Variants in THBS1 observed in about 807,000 individuals in gnomAD.
THBS1 encodes the protein thrombospondin 1.
THBS1 carries 29 observed loss-of-function variants against 126.1 expected under a neutral mutation model. The ratio of observed to expected loss-of-function variants is 0.23; its 90% CI spans 0.17 to 0.31. The LOEUF (loss-of-function observed/expected upper bound fraction) is 0.31. Ranked by LOEUF, THBS1 falls within the 10% of genes least tolerant of loss-of-function variation. The pLI is 1.00. For synonymous variants in THBS1, 496 were observed against 577.8 expected, an observed-to-expected ratio of 0.86 and a Z score of 2.03; for missense variants, 1,198 against 1,545.2, an observed-to-expected ratio of 0.78 and a Z score of 3.77.
chr15:39,594,011 C>A lies in THBS1; in HGVS notation c.3268-88C>A. 2.2e-6 allele frequency: 3 copies of A among 1,380,928 alleles called. No homozygotes were observed. The highest frequency in any genetic ancestry group is 3.0e-6 in the Non-Finnish European group (3 of 1,007,052). The allele number at this position is 1,380,928 out of a possible 1,614,324, so 85.5% of individuals were successfully genotyped here. On this transcript the variant is annotated intron_variant, in intron 19 of 21. Coordinates refer to ENST00000260356, the MANE Select transcript of THBS1 (RefSeq NM_003246.4). The surrounding 1 kb of genome is among the most constrained non-coding windows in gnomAD (Gnocchi z 4.4). ...CCCTCTAACTTAGATCAGCTCAGTA[C>A]CTTTCAAGCATTGTTTCTGATGGAA...
At position 39,589,419 on chromosome 15, in the gene THBS1, G is replaced by A; in HGVS notation, c.1926+65G>A. On this transcript the variant is annotated intron_variant, in intron 12 of 21. Transcript: ENST00000260356. The surrounding 1 kb of genome is among the most constrained non-coding windows in gnomAD (Gnocchi z 4.7). ...CTGTCCTTGACCAAAATAACTGGGA[G>A]CGGGAGGAATGTAATTTCATACCCT... 6.3e-7 allele frequency: 1 copy of A among 1,582,088 alleles called. No homozygotes were observed. Among genetic ancestry groups the A allele is most frequent in the East Asian group, 2.3e-5 (1 of 44,436 alleles).
In THBS1 at chr15:39,589,235, A is replaced by C. The variant is rs778187772; in HGVS notation, c.1807A>C (p.Asn603His). The C allele has an allele frequency of 6.2e-7, 1 of 1,614,104 alleles. No individual in the cohort carries two copies. Among genetic ancestry groups the C allele is most frequent in the Non-Finnish European group, 8.5e-7 (1 of 1,180,024 alleles). ...KEVPDACFNH[N>H]GEHRCENTDP... ...AGTGCCTGATGCCTGCTTCAACCAC[A>C]ATGGAGAGCACCGGTGTGAGAACAC... Residue 603 changes from asparagine to histidine, a missense_variant, in exon 12 of 22, where the codon AAT becomes CAT. Physicochemically the swap from Asn to His is moderately conservative, Grantham distance 68 (BLOSUM62 1). Around this residue, in one of 4 missense-constraint regions of THBS1, gnomAD observed 663 missense variants for 860.1 expected, o/e 0.77. Transcript: ENST00000260356. The surrounding 1 kb of genome is among the most constrained non-coding windows in gnomAD (Gnocchi z 4.7).
rs1283984412 is a variant in THBS1, at chr15:39,597,968, A to G, written c.*2599A>G. The G allele has an allele frequency of 6.6e-6, 1 of 152,250 alleles. No homozygotes were observed. The allele number at this position is 152,250 out of a possible 1,614,324, so 9.4% of individuals were successfully genotyped here. On this transcript the variant is annotated 3_prime_UTR_variant, in exon 22 of 22. Coordinates refer to ENST00000260356, the MANE Select transcript of THBS1 (RefSeq NM_003246.4). ...CTTGCAATGTTGAGCCAAGCATTACAGATACCTCCTCTTGAAGAAGGAATA... is the reference window on the plus strand; with the variant it reads ...CTTGCAATGTTGAGCCAAGCATTACGGATACCTCCTCTTGAAGAAGGAATA...
chr15:39,587,299 G>C lies in THBS1; in HGVS notation c.1121-48G>C, dbSNP rs760217210. The C allele has an allele frequency of 3.8e-6, 6 of 1,573,048 alleles. No homozygotes were observed. In the African/African-American group the frequency reaches 4.0e-5, roughly 11 times the overall value. ...CCTGAACAGAGCCCTCTAAAGAACAGCTTGTCCTAATCATCACGTACCTGA... is the reference window on the plus strand; with the variant it reads ...CCTGAACAGAGCCCTCTAAAGAACACCTTGTCCTAATCATCACGTACCTGA... On this transcript the variant is annotated intron_variant, in intron 7 of 21. Transcript: ENST00000260356.
At chr15:39,584,503 A>G in intron 6 of THBS1, 81 bp downstream of exon 6, 1 of 1,559,108 alleles carries the variant, frequency 6.4e-7, no homozygotes, top group Non-Finnish European at 8.7e-7. Context: ...CCTAATCGCC[A>G]CAGAGATTCT....
rs577722700 is a variant in THBS1 at position 39,587,968 on chromosome 15, G to A, written c.1295-74G>A. 524 of 1,434,728 alleles carry A rather than the reference G, an allele frequency of 3.7e-4. 2 individuals carry two copies. In the South Asian group the frequency reaches 5.4e-3, roughly 15 times the overall value. 88.9% of individuals were successfully genotyped at this position (1,434,728 alleles called of 1,614,324 possible). On this transcript the variant is annotated intron_variant, in intron 8 of 21. Transcript: ENST00000260356. ...GACCATTTCCTGGAAATACTTCTGC[G>A]TGCTCCTGATGGGAGCCTCTATTTG...
At chr15:39,591,013 T>C (rs777786776) in intron 14 of THBS1, 178 bp from the exon 15 acceptor site, 437 of 685,850 alleles carry the variant, frequency 6.4e-4, no homozygotes, top group Non-Finnish European at 9.6e-4. Flanking sequence ...TCCATTTTTT[T>C]AACTATGTCC....
In THBS1 at chr15:39,582,428, G is replaced by C. The variant is rs1407161951; in HGVS notation, c.303G>C (p.Arg101=). ...CCCTGAGGCAGATGAAGAAGACCCG[G>C]GGCACGCTGCTGGCCCTGGAGCGGA... ...LASLRQMKKT[R]GTLLALERKD... The change falls in exon 3 of 22, where the codon CGG becomes CGC. Residue 101 remains arginine, a synonymous_variant. Coordinates refer to ENST00000260356, the MANE Select transcript of THBS1 (RefSeq NM_003246.4). 6.2e-7 allele frequency: 1 copy of C among 1,614,142 alleles called. No individual in the cohort carries two copies.
At chr15:39,588,272 G>A (rs1890249127) in intron 9 of THBS1, 54 bp downstream of exon 9, 15 of 1,573,478 alleles carry the variant, frequency 9.5e-6, no homozygotes, top group Non-Finnish European at 1.2e-5. Context: ...CTGCCCAGCT[G>A]GTTGCCTGGC....
Position 39,589,459 on chromosome 15 carries a change from A to T in THBS1, c.1926+105A>T. The T allele has an allele frequency of 1.5e-6, 2 of 1,350,736 alleles. No homozygotes were observed. The highest frequency in any genetic ancestry group is 1.4e-5 in the South Asian group (1 of 70,518). The allele number at this position is 1,350,736 out of a possible 1,614,324, so 83.7% of individuals were successfully genotyped here. ...TTTCATACCCTTCACCAAAAAAAAA[A>T]GGGCGAGGAGATGAATGTACGGTCT... On this transcript the variant is annotated intron_variant, in intron 12 of 21. Transcript: ENST00000260356. The surrounding 1 kb of genome is among the most constrained non-coding windows in gnomAD (Gnocchi z 4.7).
chr15:39,598,674 CT>C lies in THBS1; in HGVS notation c.*3307del, dbSNP rs1420908419. ...AATCAGGTTGTACTGAAATAAAGGA[CT>C]TGTTAAAAATTAAAATTATGTCATC... On this transcript the variant is annotated 3_prime_UTR_variant, in exon 22 of 22. Transcript: ENST00000260356. The C allele has an allele frequency of 6.6e-6, 1 of 152,120 alleles. No homozygotes were observed. Among genetic ancestry groups the C allele is most frequent in the Non-Finnish European group, 1.5e-5 (1 of 68,010 alleles). The allele number at this position is 152,120 out of a possible 1,614,324, so 9.4% of individuals were successfully genotyped here.
rs1595506860 is a variant in THBS1, at chr15:39,583,911, C to T, written c.704-77C>T. ...CCTGCATCCTTCACACCAAATGAAA[C>T]GTCTTCTACCACTAAGAACTCAAGA... On this transcript the variant is annotated intron_variant, in intron 4 of 21. Coordinates refer to ENST00000260356, the MANE Select transcript of THBS1 (RefSeq NM_003246.4). The T allele has an allele frequency of 3.1e-5, 47 of 1,540,336 alleles. No individual in the cohort carries two copies. The South Asian group carries it at 4.7e-4, about 15-fold the overall frequency.
In THBS1 at chr15:39,593,903, T is replaced by C. The variant is rs1334108740; in HGVS notation, c.3268-196T>C. 4 of 864,466 alleles carry C rather than the reference T, an allele frequency of 4.6e-6. No individual in the cohort carries two copies. In the African/African-American group the frequency reaches 6.8e-5, roughly 15 times the overall value. 53.5% of individuals were successfully genotyped at this position (864,466 alleles called of 1,614,324 possible). A position where few individuals can be genotyped will look rare whatever the true frequency, so the allele number is the denominator to read the frequency against. ...AGCCTTTTCAAACAAAAAAACCTCC[T>C]TCCCTCCTCTCTGTCTGCTTTATAT... On this transcript the variant is annotated intron_variant, in intron 19 of 21. Coordinates refer to ENST00000260356, the MANE Select transcript of THBS1 (RefSeq NM_003246.4). The surrounding 1 kb of genome is among the most constrained non-coding windows in gnomAD (Gnocchi z 5.9).
In THBS1 at chr15:39,592,051, A is replaced by G. The variant is rs1566841789; in HGVS notation, c.2532+428A>G. On this transcript the variant is annotated intron_variant, in intron 16 of 21. Transcript: ENST00000260356. The surrounding 1 kb of genome is among the most constrained non-coding windows in gnomAD (Gnocchi z 4.3). ...AATCTAGCTATAAGAAAATCATCAAACTAAGGATACATCCAAAACCAAAGT... is the reference window on the plus strand; with the variant it reads ...AATCTAGCTATAAGAAAATCATCAAGCTAAGGATACATCCAAAACCAAAGT... Among the ~76,000 whole-genome samples the G allele has an allele frequency of 6.6e-6, 1 of 152,234 alleles. No homozygotes were observed. Among genetic ancestry groups the G allele is most frequent in the Non-Finnish European group, 1.5e-5 (1 of 68,036 alleles).
Position 39,593,660 on chromosome 15 carries a change from C to G in THBS1, c.3259C>G (p.Pro1087Ala), listed in dbSNP as rs1393780068. 1 of 1,613,272 alleles carries G rather than the reference C, an allele frequency of 6.2e-7. No individual in the cohort carries two copies. Among genetic ancestry groups the G allele is most frequent in the South Asian group, 1.1e-5 (1 of 91,034 alleles). Residue 1087 changes from proline to alanine, a missense_variant, in exon 19 of 22, where the codon CCT (proline) becomes GCT (alanine). By Grantham distance (27) the Pro-to-Ala change is conservative (BLOSUM62 -1). Around this residue, in one of 4 missense-constraint regions of THBS1, gnomAD observed 255 missense variants for 373.9 expected, o/e 0.68. Transcript: ENST00000260356. This position sits in a 1 kb window ranked among gnomAD's most constrained non-coding sequence, Gnocchi z 5.9. ...RNALWHTGNT[P>A]GQVRTLWHDP... ...CGCCCTGTGGCACACAGGAAACACC[C>G]CTGGCCAGGTAAGAAGCAAAGCCCT...
chr15:39,591,235 C>G lies in THBS1; in HGVS notation c.2298C>G (p.Asp766Glu), dbSNP rs148924073. 9 of 1,614,192 alleles carry G rather than the reference C, an allele frequency of 5.6e-6. No homozygotes were observed. The highest frequency in any genetic ancestry group is 7.6e-6 in the Non-Finnish European group (9 of 1,180,040). ...FHYNPAQYDY[D>E]RDDVGDRCDN... ...ACAACCCAGCTCAGTATGACTATGA[C>G]AGAGATGATGTGGGAGACCGCTGTG... Residue 766 changes from aspartate to glutamate, a missense_variant, in exon 15 of 22, where the codon GAC becomes GAG. By Grantham distance (45) the Asp-to-Glu change is conservative (BLOSUM62 2). Transcript: ENST00000260356.
chr15:39,589,001 C>T lies in THBS1; in HGVS notation c.1688C>T (p.Thr563Ile), dbSNP rs367942045. The change falls in exon 11 of 22, where the codon ACT becomes ATT. Residue 563 changes from threonine to isoleucine, a missense_variant. By Grantham distance (89) the Thr-to-Ile change is moderately conservative. Around this residue, in one of 4 missense-constraint regions of THBS1, gnomAD observed 663 missense variants for 860.1 expected, o/e 0.77. Transcript: ENST00000260356. This position sits in a 1 kb window ranked among gnomAD's most constrained non-coding sequence, Gnocchi z 4.7. ...CCCTGCTTTGCCGGCGTGAAGTGTA[C>T]TAGCTACCCTGATGGCAGCTGGAAA... ...SNPCFAGVKC[T>I]SYPDGSWKCG... The T allele has an allele frequency of 4.3e-6, 7 of 1,614,042 alleles. No homozygotes were observed. In the African/African-American group the frequency reaches 6.7e-5, roughly 15 times the overall value.
Position 39,594,126 on chromosome 15 carries a change from C to T in THBS1, c.3295C>T (p.His1099Tyr). The part of the protein sequence containing the change: ...QVRTLWHDPR[H>Y]IGWKDFTAYR... The stretch of plus-strand genomic sequence containing the variant: ...GCGCACCCTGTGGCATGACCCTCGT[C>T]ACATAGGCTGGAAAGATTTCACCGC... Residue 1099 changes from histidine to tyrosine, a missense_variant, in exon 20 of 22, where the codon CAC (histidine) becomes TAC (tyrosine). Around this residue, in one of 4 missense-constraint regions of THBS1, gnomAD observed 255 missense variants for 373.9 expected, o/e 0.68. Transcript: ENST00000260356. This position sits in a 1 kb window ranked among gnomAD's most constrained non-coding sequence, Gnocchi z 4.4. The T allele has an allele frequency of 6.2e-7, 1 of 1,614,118 alleles. No individual in the cohort carries two copies. Among genetic ancestry groups the T allele is most frequent in the Non-Finnish European group, 8.5e-7 (1 of 1,179,996 alleles).
Position 39,594,128 on chromosome 15 carries a change from C to T in THBS1, c.3297C>T (p.His1099=). The T allele has an allele frequency of 1.2e-6, 2 of 1,614,050 alleles. No homozygotes were observed. The highest frequency in any genetic ancestry group is 2.2e-5 in the East Asian group (1 of 44,898). ...GCACCCTGTGGCATGACCCTCGTCA[C>T]ATAGGCTGGAAAGATTTCACCGCCT... ...QVRTLWHDPR[H]IGWKDFTAYR... The change falls in exon 20 of 22, where the codon CAC becomes CAT. Residue 1099 remains histidine (H), a synonymous_variant. Coordinates refer to ENST00000260356, the MANE Select transcript of THBS1 (RefSeq NM_003246.4). The surrounding 1 kb of genome is among the most constrained non-coding windows in gnomAD (Gnocchi z 4.4).
Sources: allele counts gnomAD v4.1 joint callset (sites outside exome capture counted in the v4.1 genomes callset), GRCh38; gene constraint gnomAD v4.1.1; regional missense constraint gnomAD v4.1.1; non-coding constraint Gnocchi (gnomAD v3.1); transcripts MANE v1.5; gene names NCBI Gene and HGNC (gene_info 2026-07-23, HGNC 2026-07-21).